KCNQ3: variants seen among roughly 807,000 people sequenced by gnomAD.
KCNQ3 encodes the protein potassium voltage-gated channel subfamily Q member 3.
A neutral mutation model predicts 92.5 loss-of-function variants in KCNQ3; 30 were observed. That is an observed-to-expected ratio of 0.32 (90% CI 0.24 to 0.44). KCNQ3 has a LOEUF of 0.44. KCNQ3 is among the 20% of genes least tolerant of loss of function. KCNQ3 has a pLI of 1.00. For missense variants in KCNQ3, 913 were observed against 1,140.3 expected (o/e 0.80, Z 2.87); for synonymous variants, 450 against 468.8 (o/e 0.96, Z 0.52).
chr8:132,346,077 G>A (rs939580881), intron 1 of KCNQ3, among the ~76,000 whole-genome samples: 3 of 152,012 alleles, frequency 2.0e-5, no homozygotes, highest in African/African-American at 7.3e-5. Context: ...CATAATGGTG[G>A]TGACAAGATG....
Position 132,480,677 on chromosome 8 carries a change from C to CCG in KCNQ3, c.-146_-145insCG, listed in dbSNP as rs1822541024. The stretch of plus-strand genomic sequence containing the variant: ...ATCCGCGCGCCCCTCCCCACCCCCC[C>CCG]CCAAAAGCAGGCAAAGGCGGGCCCC... On this transcript the variant is annotated 5_prime_UTR_variant, in exon 1 of 15. Coordinates refer to ENST00000388996, the MANE Select transcript of KCNQ3 (RefSeq NM_004519.4). 2.2e-6 allele frequency: 2 copies of CCG among 902,578 alleles called. No homozygotes were observed. The highest frequency in any genetic ancestry group is 5.4e-5 in the Admixed American group (1 of 18,468). The allele number at this position is 902,578 out of a possible 1,614,324, so 55.9% of individuals were successfully genotyped here. A position where few individuals can be genotyped will look rare whatever the true frequency, so the allele number is the denominator to read the frequency against.
intron 1 of KCNQ3, among the ~76,000 whole-genome samples, chr8:132,448,425 C>T (rs1026613619): frequency 1.4e-5 from 2 of 142,088 alleles, no homozygotes; most frequent in Non-Finnish European, 3.0e-5. Flanking sequence ...CAAAAGCAAA[C>T]GTCATGTAGG....
chr8:132,309,827 G>C (rs1817538801), intron 1 of KCNQ3, among the ~76,000 whole-genome samples: 2 of 152,188 alleles, frequency 1.3e-5, no homozygotes, highest in Non-Finnish European at 2.9e-5. Flanking sequence ...AGAGAACTCT[G>C]AGCTGTGAAA....
intron 1 of KCNQ3, among the ~76,000 whole-genome samples, chr8:132,431,367 T>G (rs1821247089): frequency 6.6e-6 from 1 of 152,194 alleles, no homozygotes; most frequent in East Asian, 1.9e-4. Flanking sequence ...CAGGCTTGAT[T>G]CTTGCTGCAA....
chr8:132,136,700 AACAT>A (rs367613207), intron 12 of KCNQ3, among the ~76,000 whole-genome samples: 1 of 152,332 alleles, frequency 6.6e-6, no homozygotes, highest in African/African-American at 2.4e-5. Flanking sequence ...ATGACATATA[AACAT>A]ACATATGCAC....
chr8:132,126,647 T>C lies in KCNQ3; in HGVS notation c.*2615A>G, dbSNP rs1010458006. The C allele has an allele frequency of 2.6e-5, 4 of 152,126 alleles. No homozygotes were observed. The highest frequency in any genetic ancestry group is 4.4e-5 in the Non-Finnish European group (3 of 68,036). 9.4% of individuals were successfully genotyped at this position (152,126 alleles called of 1,614,324 possible). A position where few individuals can be genotyped will look rare whatever the true frequency, so the allele number is the denominator to read the frequency against. ...AACTTACTAGATGTTAGACAATCAATACTTCCCTACTACTGATCAATACAA... is the reference window on the plus strand; with the variant it reads ...AACTTACTAGATGTTAGACAATCAACACTTCCCTACTACTGATCAATACAA... On this transcript the variant is annotated 3_prime_UTR_variant, in exon 15 of 15. Coordinates refer to ENST00000388996, the MANE Select transcript of KCNQ3 (RefSeq NM_004519.4).
intron 10 of KCNQ3, chr8:132,140,562 C>A (rs1182919442): frequency 8.0e-6 from 2 of 248,998 alleles, no homozygotes; most frequent in Non-Finnish European, 1.6e-5. Context: ...CAGTCTCTAT[C>A]CTGGTGACCT....
rs550798338 is a variant in KCNQ3, at chr8:132,209,536, C to T, written c.387-23355G>A. ...TAATGTACGTAATTCACACCACACA[C>T]ACACACAAACACACACACACACACA... On this transcript the variant is annotated intron_variant, in intron 1 of 14. Transcript: ENST00000388996. 3.5e-3 allele frequency among the ~76,000 whole-genome samples: 505 copies of T among 145,804 alleles called. 1 individual carries two copies. The highest frequency in any genetic ancestry group is 0.013 in the African/African-American group (487 of 38,944).
chr8:132,289,192 A>G (rs974905098), intron 1 of KCNQ3, among the ~76,000 whole-genome samples: 3 of 152,234 alleles, frequency 2.0e-5, no homozygotes, highest in African/African-American at 7.2e-5. Context: ...ATACCCCTCA[A>G]AAAGGCTGGA....
intron 1 of KCNQ3, among the ~76,000 whole-genome samples, chr8:132,403,751 C>T (rs1312050276): frequency 6.6e-6 from 1 of 152,198 alleles, no homozygotes; most frequent in Non-Finnish European, 1.5e-5. Flanking sequence ...TGGTTTGCTC[C>T]TGCTGGGTTC....
chr8:132,329,084 A>C (rs1818152592), intron 1 of KCNQ3, among the ~76,000 whole-genome samples: 1 of 152,252 alleles, frequency 6.6e-6, no homozygotes, highest in South Asian at 2.1e-4. Flanking sequence ...GTAAACAAGA[A>C]CATTGCCCTT....
chr8:132,286,807 A>G (rs1322338791), intron 1 of KCNQ3, among the ~76,000 whole-genome samples: 1 of 152,214 alleles, frequency 6.6e-6, no homozygotes, highest in Non-Finnish European at 1.5e-5. Context: ...AGATGAATTA[A>G]TGGCTTTTTC....
intron 1 of KCNQ3, among the ~76,000 whole-genome samples, chr8:132,446,143 G>A (rs1318082054): frequency 6.6e-6 from 1 of 152,100 alleles, no homozygotes; most frequent in East Asian, 1.9e-4. Flanking sequence ...AGCAGAAAAA[G>A]AACCAGATGA....
intron 1 of KCNQ3, among the ~76,000 whole-genome samples, chr8:132,196,786 G>A (rs1052817038): frequency 4.5e-4 from 69 of 152,306 alleles, no homozygotes; most frequent in African/African-American, 1.6e-3. Flanking sequence ...GGTCTGGAAA[G>A]GCTTTCAAAG....
At chr8:132,325,436 C>A (rs1470536366) in intron 1 of KCNQ3, among the ~76,000 whole-genome samples, 2 of 152,136 alleles carry the variant, frequency 1.3e-5, no homozygotes, top group Admixed American at 6.5e-5. Context: ...AAAATTAATA[C>A]GTTGAAGTCC....
Position 132,187,999 on chromosome 8 carries a change from G to A in KCNQ3, c.387-1818C>T, listed in dbSNP as rs796773828. Among the ~76,000 whole-genome samples the A allele has an allele frequency of 3.9e-5, 6 of 152,272 alleles. 1 individual carries two copies. Among genetic ancestry groups the A allele is most frequent in the African/African-American group, 1.4e-4 (6 of 41,562 alleles). ...AGTAACTGTTACTACAACCTCCAAAGTTAGATATGACCATTCCCATTTTAG... is the reference window on the plus strand; with the variant it reads ...AGTAACTGTTACTACAACCTCCAAAATTAGATATGACCATTCCCATTTTAG... On this transcript the variant is annotated intron_variant, in intron 1 of 14. Transcript: ENST00000388996.
At chr8:132,435,082 G>C (rs1252278381) in intron 1 of KCNQ3, among the ~76,000 whole-genome samples, 1 of 152,306 alleles carries the variant, frequency 6.6e-6, no homozygotes, top group East Asian at 1.9e-4. Context: ...GAGCATGCAA[G>C]GATGAACCAG....
chr8:132,248,035 T>C (rs1340030961), intron 1 of KCNQ3, among the ~76,000 whole-genome samples: 1 of 152,154 alleles, frequency 6.6e-6, no homozygotes, highest in African/African-American at 2.4e-5. Context: ...AAGTTTACGC[T>C]GCCAGGAAGT....
intron 1 of KCNQ3, among the ~76,000 whole-genome samples, chr8:132,432,100 C>T (rs1821266987): frequency 6.6e-6 from 1 of 152,096 alleles, no homozygotes; most frequent in Non-Finnish European, 1.5e-5. Context: ...GATGCTTGTC[C>T]AAAGTTTTCC....
Sources: gnomAD v4.1 joint callset for allele counts (sites outside exome capture counted in the v4.1 genomes callset) on GRCh38, gnomAD v4.1.1 for gene constraint, MANE v1.5 for transcripts, NCBI Gene and HGNC (gene_info 2026-07-23, HGNC 2026-07-21) for gene names.